Variants in NINL observed in about 807,000 individuals in gnomAD.
NINL encodes the protein ninein like.
NINL carries 153 observed loss-of-function variants against 160.3 expected under a neutral mutation model. That is an observed-to-expected ratio of 0.95 (90% CI 0.84 to 1.09). The LOEUF is 1.09. Ranked by LOEUF, NINL falls within the 50% of genes least tolerant of loss-of-function variation. The pLI is 0.00. For missense variants in NINL, 1,829 were observed against 1,764.0 expected (o/e 1.04, Z -0.66); for synonymous variants, 800 against 734.8 (o/e 1.09, Z -1.43).
intron 8 of NINL, chr20:25,499,169 C>A (rs1424158544): frequency 1.0e-6 from 1 of 985,424 alleles, no homozygotes; most frequent in Admixed American, 6.1e-5. Flanking sequence ...CACTTCCCAG[C>A]AGCTCCTGAG....
chr20:25,535,314 G>C (rs967299571), intron 1 of NINL, among the ~76,000 whole-genome samples: 12 of 152,106 alleles, frequency 7.9e-5, no homozygotes, highest in African/African-American at 2.9e-4. Context: ...GGTAAGACAT[G>C]AATAAGTTCT....
At chr20:25,566,378 T>A (rs1333691044) in intron 1 of NINL, among the ~76,000 whole-genome samples, 6 of 151,784 alleles carry the variant, frequency 4.0e-5, no homozygotes, top group African/African-American at 1.5e-4. Context: ...ATACATCATG[T>A]CCAGCTTTCA....
At position 25,476,672 on chromosome 20, in the gene NINL, T is replaced by C. The variant is rs1202059549; in HGVS notation, c.2619A>G (p.Ala873=). ...PGDGRESEEA[A]GAGPRRRQAQ... is the part of the protein sequence containing the mutation. ...CTTGCCTGCGGCGAGGCCCGGCTCC[T>C]GCCGCCTCCTCAGACTCTCTGCCAT... is the stretch of plus-strand genomic sequence containing the variant. The change falls in exon 17 of 24, where the codon GCA becomes GCG. Residue 873 remains alanine, a synonymous_variant. Coordinates refer to ENST00000278886, the MANE Select transcript of NINL (RefSeq NM_025176.6). The C allele has an allele frequency of 2.5e-6, 4 of 1,588,782 alleles. No individual in the cohort carries two copies. Among genetic ancestry groups the C allele is most frequent in the Admixed American group, 1.7e-5 (1 of 58,478 alleles).
At chr20:25,475,092 G>A (rs1248742001) in intron 17 of NINL, among the ~76,000 whole-genome samples, 2 of 151,170 alleles carry the variant, frequency 1.3e-5, no homozygotes, top group Non-Finnish European at 2.9e-5. Context: ...TTGTTACGAG[G>A]TTTTAAATTC....
At chr20:25,545,476 C>T (rs1328786488) in intron 1 of NINL, among the ~76,000 whole-genome samples, 1 of 38,360 alleles carries the variant, frequency 2.6e-5, no homozygotes, top group Non-Finnish European at 7.4e-5. Flanking sequence ...AAATTCTGAG[C>T]CCCCCCCCAT....
In NINL at chr20:25,535,451, T is replaced by C. The variant is rs144106753; in HGVS notation, c.-11-8853A>G. 2.6e-3 allele frequency among the ~76,000 whole-genome samples: 395 copies of C among 152,346 alleles called. 1 individual carries two copies. Among genetic ancestry groups the C allele is most frequent in the Non-Finnish European group, 3.3e-3 (223 of 68,036 alleles). ...TAAGTATGTGAGGGGACAGATATGT[T>C]AATTAGCTAGATTTAACAATTTTAT... On this transcript the variant is annotated intron_variant, in intron 1 of 23. Transcript: ENST00000278886.
chr20:25,562,604 C>T (rs7343479), intron 1 of NINL, among the ~76,000 whole-genome samples: 1 of 136,704 alleles, frequency 7.3e-6, no homozygotes, highest in Non-Finnish European at 1.5e-5. Context: ...CAGCATGCTC[C>T]TTAAGAGTCA....
chr20:25,539,787 T>C (rs2064630607), intron 1 of NINL, among the ~76,000 whole-genome samples: 1 of 152,124 alleles, frequency 6.6e-6, no homozygotes, highest in African/African-American at 2.4e-5. Flanking sequence ...CTGTTTAGAC[T>C]CCCCAAAGCC....
intron 21 of NINL, 159 bp from the exon 22 acceptor site, chr20:25,458,688 T>G: frequency 1.3e-6 from 1 of 774,054 alleles, no homozygotes; most frequent in Non-Finnish European, 2.0e-6. Flanking sequence ...CCCATTTCTT[T>G]GGAATTCGGA....
At chr20:25,499,284 G>A (rs1568916816) in intron 8 of NINL, 20 of 944,458 alleles carry the variant, frequency 2.1e-5, no homozygotes, top group Non-Finnish European at 2.5e-5. Flanking sequence ...GGACAGAACC[G>A]CCACAGCAGC....
chr20:25,532,412 C>G (rs1336819519), intron 1 of NINL, among the ~76,000 whole-genome samples: 1 of 152,254 alleles, frequency 6.6e-6, no homozygotes, highest in African/African-American at 2.4e-5. Flanking sequence ...CCCTCTGGCC[C>G]TGTCTTTGCA....
intron 17 of NINL, 28 bp from the exon 18 acceptor site, chr20:25,470,123 G>A (rs368824045): frequency 1.2e-5 from 19 of 1,584,358 alleles, no homozygotes; most frequent in Middle Eastern, 1.7e-4. Flanking sequence ...AAAGACCGGT[G>A]AGCACTTGGG....
intron 5 of NINL, 39 bp from the exon 6 acceptor site, chr20:25,505,117 T>C (rs1457242339): frequency 1.3e-6 from 2 of 1,498,616 alleles, no homozygotes; most frequent in East Asian, 2.4e-5. Context: ...CCCTGATACA[T>C]ACACAATGGA....
intron 10 of NINL, among the ~76,000 whole-genome samples, chr20:25,496,394 G>GCCCT: frequency 6.6e-6 from 1 of 152,336 alleles, no homozygotes; most frequent in Non-Finnish European, 1.5e-5. Flanking sequence ...TGTGAGAAGA[G>GCCCT]CCCAGCAAAG....
chr20:25,582,085 G>A (rs370710328), intron 1 of NINL, among the ~76,000 whole-genome samples: 45 of 151,998 alleles, frequency 3.0e-4, no homozygotes, highest in East Asian at 2.3e-3. Flanking sequence ...GTGAAACCCC[G>A]TCTCTACTAA....
chr20:25,580,232 G>A (rs1244862853), intron 1 of NINL, among the ~76,000 whole-genome samples: 1 of 152,046 alleles, frequency 6.6e-6, no homozygotes, highest in Non-Finnish European at 1.5e-5. Context: ...TACTCAGGAG[G>A]CTAAGACAGG....
intron 1 of NINL, among the ~76,000 whole-genome samples, chr20:25,561,273 G>A (rs1035830297): frequency 2.6e-5 from 4 of 152,292 alleles, no homozygotes; most frequent in South Asian, 2.1e-4. Flanking sequence ...TCCTAAGCGC[G>A]AGTGATCCGC....
rs143846034 is a variant in NINL, at chr20:25,512,839, C to T, written c.445G>A (p.Val149Met). The change falls in exon 4 of 24, where the codon GTG becomes ATG. Residue 149 changes from valine (V) to methionine (M), a missense_variant. By Grantham distance (21) the Val-to-Met change is conservative (BLOSUM62 1). Coordinates refer to ENST00000278886, the MANE Select transcript of NINL (RefSeq NM_025176.6). ...HLWRSASLES[V>M]ESPKSDEEAE... The stretch of plus-strand genomic sequence containing the variant: ...GGGAGAGGGGCCTGACCCACCTCCA[C>T]GCTCTCCAGAGACGCTGAGCGCCAG... 180 of 1,610,918 alleles carry T rather than the reference C, an allele frequency of 1.1e-4. 3 individuals are homozygous for T. The South Asian group carries it at 1.6e-3, about 14-fold the overall frequency.
rs1348743172 is a variant in NINL at position 25,476,749 on chromosome 20, G to A, written c.2542C>T (p.Pro848Ser). The change falls in exon 17 of 24, where the codon CCA (proline) becomes TCA (serine). Residue 848 changes from proline to serine, a missense_variant. By Grantham distance (74) the Pro-to-Ser change is moderately conservative (BLOSUM62 -1). Coordinates refer to ENST00000278886, the MANE Select transcript of NINL (RefSeq NM_025176.6). ...CGCTCCCCACAGCCCGGACGCAGTG[G>A]TAGGAGGCCACGTGTGCCCTCCTGG... ...SGQEGTRGLL[P>S]LRPGCGERPL... is the part of the protein sequence containing the mutation. 1 of 1,608,672 alleles carries A rather than the reference G, an allele frequency of 6.2e-7. No individual in the cohort carries two copies. The highest frequency in any genetic ancestry group is 1.3e-5 in the African/African-American group (1 of 74,930).
Sources: allele counts gnomAD v4.1 joint callset (sites outside exome capture counted in the v4.1 genomes callset), GRCh38; gene constraint gnomAD v4.1.1; transcripts MANE v1.5; gene names NCBI Gene and HGNC (gene_info 2026-07-23, HGNC 2026-07-21).